MPPE1: variants seen among roughly 807,000 people sequenced by gnomAD.
MPPE1 encodes metallo phosphoesterase.
Under a neutral mutation model 43.8 loss-of-function variants are expected in MPPE1, and 28 were observed. That is an observed-to-expected ratio of 0.64 (90% confidence interval 0.47 to 0.88). The LOEUF (loss-of-function observed/expected upper bound fraction) is 0.88, where lower values mean the gene tolerates loss of function less well. Ranked by LOEUF, MPPE1 falls within the 40% of genes least tolerant of loss-of-function variation. The pLI is 0.00. For synonymous variants in MPPE1, 159 were observed against 188.5 expected (o/e 0.84, Z 1.28); for missense variants, 428 against 492.2 (o/e 0.87, Z 1.23).
At chr18:11,905,498 G>A (rs545317646) in intron 2 of MPPE1, 14 of 152,240 alleles carry the variant, frequency 9.2e-5, no homozygotes, top group African/African-American at 2.6e-4. Flanking sequence ...CTGATAGGGT[G>A]GGGGAAGAGA....
chr18:11,885,213 G>A (rs1057296269), intron 10 of MPPE1: 3 of 378,372 alleles, frequency 7.9e-6, no homozygotes, highest in African/African-American at 6.6e-5. Context: ...TGAGCTGGAT[G>A]CAGGAGCCCA....
chr18:11,884,890 G>A (rs933115774), intron 10 of MPPE1: 36 of 1,316,018 alleles, frequency 2.7e-5, no homozygotes, highest in South Asian at 2.3e-4. Flanking sequence ...TGTCAAAACT[G>A]GCCCCTGGCT....
At chr18:11,902,533 C>T (rs1442813803) in intron 2 of MPPE1, 1 of 152,166 alleles carries the variant, frequency 6.6e-6, no homozygotes, top group Non-Finnish European at 1.5e-5. Flanking sequence ...TTTCTAACAC[C>T]TTATGTTTCC....
At chr18:11,900,733 C>T (rs1010869021) in intron 2 of MPPE1, among the ~76,000 whole-genome samples, 6 of 151,642 alleles carry the variant, frequency 4.0e-5, no homozygotes, top group South Asian at 2.1e-4. Context: ...CGGTGAAACC[C>T]CATCTCTACT....
chr18:11,891,507 T>A (rs2144351805), intron 4 of MPPE1: 1 of 152,260 alleles, frequency 6.6e-6, no homozygotes, highest in South Asian at 2.1e-4. Context: ...TAGAGTAACA[T>A]AAAATCAGAA....
At chr18:11,889,666 G>A (rs1289246716) in intron 4 of MPPE1, among the ~76,000 whole-genome samples, 176 bp from the exon 5 acceptor site, 1 of 152,008 alleles carries the variant, frequency 6.6e-6, no homozygotes, top group Non-Finnish European at 1.5e-5. Context: ...ACATTCAAGC[G>A]ATTCTCCTGC....
chr18:11,886,918 T>C lies in MPPE1; in HGVS notation c.677A>G (p.Glu226Gly). ...TGTGGCATTCAGATGCTCTCCTACC[T>C]CTCGGGAGCAGTTCAGTCTGTGAGA... ...EVSHRLNCSR[E>G]ARGSSRCGPG... Residue 226 changes from glutamate to glycine, a missense_variant and splice_region_variant, in exon 7 of 11, where the codon GAG becomes GGG. By Grantham distance (98) the Glu-to-Gly change is moderately conservative (BLOSUM62 -2). Coordinates refer to ENST00000588072, the MANE Select transcript of MPPE1 (RefSeq NM_023075.6). The surrounding 1 kb of genome is among the most constrained non-coding windows in gnomAD (Gnocchi z 4.1). The C allele has an allele frequency of 6.2e-7, 1 of 1,610,704 alleles. No individual in the cohort carries two copies. Among genetic ancestry groups the C allele is most frequent in the Non-Finnish European group, 8.5e-7 (1 of 1,177,854 alleles).
intron 2 of MPPE1, among the ~76,000 whole-genome samples, chr18:11,903,217 A>C (rs559591349): frequency 6.6e-6 from 1 of 152,310 alleles, no homozygotes; most frequent in South Asian, 2.1e-4. Flanking sequence ...GAGGGTCCAC[A>C]GCTGCCACAT....
chr18:11,896,095 C>CTTTTTTTTTTTTTTT (rs1178920790), intron 3 of MPPE1, among the ~76,000 whole-genome samples: 3 of 80,420 alleles, frequency 3.7e-5, no homozygotes, highest in Non-Finnish European at 7.1e-5. Context: ...ATTCTTTATT[C>CTTTTTTTTTTTTTTT]TTTTTTTTTT....
chr18:11,888,582 A>G (rs2037606214), intron 6 of MPPE1, 87 bp downstream of exon 6: 5 of 769,438 alleles, frequency 6.5e-6, no homozygotes, highest in South Asian at 6.5e-5. Context: ...ACGCAGGTAG[A>G]TGATAGATCC....
At chr18:11,907,956 C>T (rs1456480566) in intron 1 of MPPE1, 2 of 152,128 alleles carry the variant, frequency 1.3e-5, no homozygotes, top group Non-Finnish European at 2.9e-5. Flanking sequence ...TCAACTGCGA[C>T]TTGCATTTGA....
chr18:11,903,602 C>T (rs550568072), intron 2 of MPPE1, among the ~76,000 whole-genome samples: 4 of 152,166 alleles, frequency 2.6e-5, no homozygotes, highest in South Asian at 2.1e-4. Flanking sequence ...GTTAGGAGAT[C>T]GAGACCATCC....
intron 2 of MPPE1, among the ~76,000 whole-genome samples, chr18:11,900,844 C>G (rs914439100): frequency 6.7e-6 from 1 of 150,150 alleles, no homozygotes; most frequent in African/African-American, 2.5e-5. Flanking sequence ...GAGGCAAAGC[C>G]TGCAGTGAGC....
intron 2 of MPPE1, chr18:11,905,790 T>C (rs1326816391): frequency 1.3e-5 from 2 of 152,212 alleles, no homozygotes; most frequent in African/African-American, 4.8e-5. Context: ...GTTAGCCACT[T>C]GTTCCTTGGT....
intron 2 of MPPE1, among the ~76,000 whole-genome samples, chr18:11,903,409 C>A (rs1370809505): frequency 6.6e-6 from 1 of 152,126 alleles, no homozygotes; most frequent in African/African-American, 2.4e-5. Flanking sequence ...TTAAGAAGGG[C>A]ACTGTGCATG....
At chr18:11,889,602 C>T in intron 4 of MPPE1, 112 bp from the exon 5 acceptor site, 1 of 693,122 alleles carries the variant, frequency 1.4e-6, no homozygotes, top group Non-Finnish European at 2.4e-6. Flanking sequence ...CTGGCTCTGT[C>T]TCCAGGCTGA....
In MPPE1 at chr18:11,886,428, C is replaced by G; in HGVS notation, c.867+71G>C. 5 of 1,608,674 alleles carry G rather than the reference C, an allele frequency of 3.1e-6. No homozygotes were observed. Among genetic ancestry groups the G allele is most frequent in the Non-Finnish European group, 4.3e-6 (5 of 1,176,404 alleles). On this transcript the variant is annotated intron_variant, in intron 9 of 10. Coordinates refer to ENST00000588072, the MANE Select transcript of MPPE1 (RefSeq NM_023075.6). This position sits in a 1 kb window ranked among gnomAD's most constrained non-coding sequence, Gnocchi z 4.1. ...AAACACCTGCTCTAGCCTGGGCACT[C>G]TGCTTGTTGACATGCAAGGTGATGA... is the stretch of plus-strand genomic sequence containing the variant.
At position 11,883,786 on chromosome 18, in the gene MPPE1, T is replaced by G. The variant is rs1285130216; in HGVS notation, c.*659A>C. The G allele has an allele frequency of 2.6e-5, 4 of 151,884 alleles. No homozygotes were observed. The highest frequency in any genetic ancestry group is 5.9e-5 in the Non-Finnish European group (4 of 68,052). The allele number at this position is 151,884 out of a possible 1,614,324, so 9.4% of individuals were successfully genotyped here. On this transcript the variant is annotated 3_prime_UTR_variant, in exon 11 of 11. Coordinates refer to ENST00000588072, the MANE Select transcript of MPPE1 (RefSeq NM_023075.6). ...ATCTTGGCTCACTGCAACCTCCGCC[T>G]CCCGGGCTCAAGGGATTCTCCTGCC...
chr18:11,893,504 C>T lies in MPPE1; in HGVS notation c.354G>A (p.Gly118=). Residue 118 remains glycine, a synonymous_variant, in exon 4 of 11, where the codon GGG becomes GGA. Transcript: ENST00000588072. Reference sequence around the variant, plus strand: ...TCCACTTCCCTTCATCAAAGATATCCCCCAGGATGAAGACGACTTCCGGCT... The same window carrying T: ...TCCACTTCCCTTCATCAAAGATATCTCCCAGGATGAAGACGACTTCCGGCT... ...LLQPEVVFIL[G]DIFDEGKWST... is the part of the protein sequence containing the mutation. The T allele has an allele frequency of 1.9e-6, 3 of 1,613,988 alleles. No homozygotes were observed. Among genetic ancestry groups the T allele is most frequent in the Non-Finnish European group, 1.7e-6 (2 of 1,180,018 alleles).
Sources: gnomAD v4.1 joint callset for allele counts (sites outside exome capture counted in the v4.1 genomes callset) on GRCh38, gnomAD v4.1.1 for gene constraint, Gnocchi (gnomAD v3.1) non-coding constraint, MANE v1.5 for transcripts, NCBI Gene and HGNC (gene_info 2026-07-23, HGNC 2026-07-21) for gene names.